CAPN15: variants seen among roughly 807,000 people sequenced by gnomAD.
CAPN15 encodes calpain 15, also known as calpain-15.
Under a neutral mutation model 97.9 loss-of-function variants are expected in CAPN15, and 53 were observed. The observed-to-expected ratio is 0.54, with a 90% CI of 0.43 to 0.68. CAPN15 has a LOEUF of 0.68. CAPN15 is among the 30% of genes least tolerant of loss of function. The pLI is 0.00. For synonymous variants in CAPN15, 922 were observed against 722.5 expected, an observed-to-expected ratio of 1.28 and a Z score of -4.43; for missense variants, 1,592 against 1,589.8, an observed-to-expected ratio of 1.00 and a Z score of -0.02.
rs199665629 is a variant in CAPN15 at position 534,081 on chromosome 16, GC to G, written c.-137+86del. 1,162 of 669,064 alleles carry G rather than the reference GC, an allele frequency of 1.7e-3. 11 individuals are homozygous for G. In the African/African-American group the frequency reaches 0.025, roughly 14 times the overall value. The allele number at this position is 669,064 out of a possible 1,614,324, so 41.4% of individuals were successfully genotyped here. A position where few individuals can be genotyped will look rare whatever the true frequency, so the allele number is the denominator to read the frequency against. ...GTTTGTGGAGCAGCAGGGTTGGAGT[GC>G]CCACGGCTGGGGGGCCTCTCGGAGC... On this transcript the variant is annotated intron_variant, in intron 2 of 13. Coordinates refer to ENST00000219611, the MANE Select transcript of CAPN15 (RefSeq NM_005632.3).
At chr16:550,281 C>G (rs961411909) in intron 7 of CAPN15, among the ~76,000 whole-genome samples, 11 of 152,242 alleles carry the variant, frequency 7.2e-5, no homozygotes, top group African/African-American at 2.2e-4. Context: ...CGGAGCCCTC[C>G]TCTCAGCTGA....
At chr16:546,731 G>C in intron 3 of CAPN15, 86 bp from the exon 4 acceptor site, 2 of 1,451,300 alleles carry the variant, frequency 1.4e-6, no homozygotes, top group Non-Finnish European at 1.8e-6. Flanking sequence ...AGCCACAGAC[G>C]GGTGCCTTCC....
In CAPN15 at chr16:552,799, C is replaced by CGTGGGGGGGGGGGGGG; in HGVS notation, c.2904+34_2904+35insGGGGGGGGGGGTGGGG. 3.7e-5 allele frequency: 56 copies of CGTGGGGGGGGGGGGGG among 1,509,794 alleles called. No homozygotes were observed. Among genetic ancestry groups the CGTGGGGGGGGGGGGGG allele is most frequent in the Admixed American group, 6.3e-5 (3 of 47,398 alleles). 93.5% of individuals were successfully genotyped at this position (1,509,794 alleles called of 1,614,324 possible). The stretch of plus-strand genomic sequence containing the variant: ...GGGTGGGGGTCCCGGGGGAGGGTGG[C>CGTGGGGGGGGGGGGGG]GTGGGGCAGGGGGAGTATGCCCCAG... On this transcript the variant is annotated intron_variant, in intron 12 of 13. Coordinates refer to ENST00000219611, the MANE Select transcript of CAPN15 (RefSeq NM_005632.3). The surrounding 1 kb of genome is among the most constrained non-coding windows in gnomAD (Gnocchi z 6.4).
chr16:528,700 G>A (rs1485902313), intron 1 of CAPN15: 1 of 985,384 alleles, frequency 1.0e-6, no homozygotes, highest in Non-Finnish European at 1.2e-6. Context: ...TACTGCTCTG[G>A]AGTTTGTTAC....
At chr16:550,809 G>GTCCCCTGCCGGTGAGGGT (rs1400716965) in intron 7 of CAPN15, among the ~76,000 whole-genome samples, 3 of 129,572 alleles carry the variant, frequency 2.3e-5, no homozygotes, top group African/African-American at 3.7e-5. Context: ...GTCGGTGAGG[G>GTCCCCTGCCGGTGAGGGT]CCCCGGTCGG....
rs1167693377 is a variant in CAPN15, at chr16:547,292, T to A, written c.454T>A (p.Cys152Ser). Residue 152 changes from cysteine (C) to serine (S), a missense_variant, in exon 4 of 14, where the codon TGC becomes AGC. Transcript: ENST00000219611. ...EPRGGWACPR[C>S]TLHNTPVASS... ...CAGAGGGGGCTGGGCGTGTCCGCGT[T>A]GCACGCTGCACAACACGCCCGTGGC... 6.6e-7 allele frequency: 1 copy of A among 1,516,026 alleles called. No individual in the cohort carries two copies. Among genetic ancestry groups the A allele is most frequent in the Non-Finnish European group, 8.8e-7 (1 of 1,136,742 alleles). 93.9% of individuals were successfully genotyped at this position (1,516,026 alleles called of 1,614,324 possible). A position where few individuals can be genotyped will look rare whatever the true frequency, so the allele number is the denominator to read the frequency against.
chr16:548,334 C>G (rs1048348019), intron 4 of CAPN15, 47 bp downstream of exon 4: 5 of 1,424,242 alleles, frequency 3.5e-6, no homozygotes, highest in Non-Finnish European at 4.6e-6. Flanking sequence ...CTCCTGCTCC[C>G]GCCCTCCCCT....
chr16:549,601 C>T lies in CAPN15; in HGVS notation c.1843-14C>T. Reference sequence around the variant, plus strand: ...GGGGCGGGCGGGGGTGGCCTCTGACCCGGCCCTCTGCAGGCGCAGCGGAAG... The same window carrying T: ...GGGGCGGGCGGGGGTGGCCTCTGACTCGGCCCTCTGCAGGCGCAGCGGAAG... On this transcript the variant is annotated splice_polypyrimidine_tract_variant and intron_variant, in intron 6 of 13. Transcript: ENST00000219611. 6.5e-7 allele frequency: 1 copy of T among 1,530,494 alleles called. No homozygotes were observed. The highest frequency in any genetic ancestry group is 8.8e-7 in the Non-Finnish European group (1 of 1,141,542). The allele number at this position is 1,530,494 out of a possible 1,614,324, so 94.8% of individuals were successfully genotyped here.
intron 3 of CAPN15, among the ~76,000 whole-genome samples, chr16:543,845 C>T (rs923851700): frequency 5.3e-5 from 8 of 152,194 alleles, no homozygotes; most frequent in African/African-American, 9.7e-5. Context: ...CTGCCTGGCT[C>T]GCTGCCCTGG....
In CAPN15 at chr16:544,263, A is replaced by T. The variant is rs191111379; in HGVS notation, c.-22-2554A>T. Among the ~76,000 whole-genome samples the T allele has an allele frequency of 4.5e-3, 687 of 151,962 alleles. 9 individuals carry two copies. The highest frequency in any genetic ancestry group is 0.015 in the African/African-American group (640 of 41,418). The stretch of plus-strand genomic sequence containing the variant: ...GGCACAGCAGGAGGAGCTGCCGACC[A>T]AGTCTGGCACCCCGGTGTGCCCCGA... On this transcript the variant is annotated intron_variant, in intron 3 of 13. Transcript: ENST00000219611.
intron 3 of CAPN15, chr16:540,511 G>T: frequency 3.3e-6 from 1 of 301,518 alleles, no homozygotes; most frequent in Non-Finnish European, 4.9e-6. Flanking sequence ...CTTCCCCAGG[G>T]TGCAGGAGCT....
intron 1 of CAPN15, among the ~76,000 whole-genome samples, chr16:532,329 GAATC>G (rs2033326492): frequency 6.6e-6 from 1 of 151,164 alleles, no homozygotes; most frequent in Admixed American, 6.6e-5. Context: ...CAAGGTGGGT[GAATC>G]ACATGAGGTC....
rs764211641 is a variant in CAPN15 at position 548,053 on chromosome 16, C to T, written c.1215C>T (p.Ala405=). Residue 405 remains alanine, a synonymous_variant, in exon 4 of 14, where the codon GCC becomes GCT. Transcript: ENST00000219611. ...GACGGGTGTCCTCGGCCCAGAAGGCCGCCCGCGTCCTGCCCGAGCGCCCGG... is the reference window on the plus strand; with the variant it reads ...GACGGGTGTCCTCGGCCCAGAAGGCTGCCCGCGTCCTGCCCGAGCGCCCGG... The part of the protein sequence containing the change: ...SCGRVSSAQK[A]ARVLPERPGQ... The T allele has an allele frequency of 5.2e-6, 8 of 1,550,578 alleles. No homozygotes were observed. The highest frequency in any genetic ancestry group is 3.5e-5 in the South Asian group (3 of 84,624).
In CAPN15 at chr16:553,585, A is replaced by C; in HGVS notation, c.*69A>C. 1.0e-6 allele frequency: 1 copy of C among 955,976 alleles called. No homozygotes were observed. The highest frequency in any genetic ancestry group is 1.5e-6 in the Non-Finnish European group (1 of 660,618). The allele number at this position is 955,976 out of a possible 1,614,324, so 59.2% of individuals were successfully genotyped here. ...CCCCCACACGCACTTTATGAGGGAG[A>C]CCCCGACAGAGGACGCTTGAGCCAG... On this transcript the variant is annotated 3_prime_UTR_variant, in exon 14 of 14. Transcript: ENST00000219611.
chr16:550,900 GGTGAGGGTCCCGGTCA>G (rs1321416831), intron 7 of CAPN15, among the ~76,000 whole-genome samples: 16 of 116,544 alleles, frequency 1.4e-4, no homozygotes, highest in Admixed American at 3.3e-4. Flanking sequence ...GTCCCTGGTC[GGTGAGGGTCCCGGTCA>G]GTGAGGGTCC....
At position 535,177 on chromosome 16, in the gene CAPN15, G is replaced by A. The variant is rs977580893; in HGVS notation, c.-136-852G>A. 5.9e-5 allele frequency: 9 copies of A among 152,998 alleles called. No individual in the cohort carries two copies. The highest frequency in any genetic ancestry group is 1.9e-4 in the East Asian group (1 of 5,194). 9.5% of individuals were successfully genotyped at this position (152,998 alleles called of 1,614,324 possible). ...CTGGAGCCTCAGGAGCATGCGTTCC[G>A]TCCCCACGGGTCACCCCCACTGAGC... On this transcript the variant is annotated intron_variant, in intron 2 of 13. Transcript: ENST00000219611. The surrounding 1 kb of genome is among the most constrained non-coding windows in gnomAD (Gnocchi z 6.2).
intron 3 of CAPN15, chr16:538,392 C>G (rs2033876823): frequency 6.6e-6 from 1 of 152,214 alleles, no homozygotes; most frequent in Non-Finnish European, 1.5e-5. Context: ...GGTCCGCACC[C>G]CACACTGGCC....
chr16:535,676 C>T lies in CAPN15; in HGVS notation c.-136-353C>T, dbSNP rs961974752. The stretch of plus-strand genomic sequence containing the variant: ...CCCCTCCAGGGAGCCCAGAGGCGGG[C>T]GTGGCTGCAGCCTGGCTCTGTGGCA... On this transcript the variant is annotated intron_variant, in intron 2 of 13. Coordinates refer to ENST00000219611, the MANE Select transcript of CAPN15 (RefSeq NM_005632.3). The surrounding 1 kb of genome is among the most constrained non-coding windows in gnomAD (Gnocchi z 6.2). Among the ~76,000 whole-genome samples, 1 of 152,118 alleles carries T rather than the reference C, an allele frequency of 6.6e-6. No homozygotes were observed. Among genetic ancestry groups the T allele is most frequent in the Non-Finnish European group, 1.5e-5 (1 of 67,990 alleles).
chr16:532,064 AC>A (rs1199831875), intron 1 of CAPN15, among the ~76,000 whole-genome samples: 1 of 151,506 alleles, frequency 6.6e-6, no homozygotes, highest in East Asian at 1.9e-4. Context: ...AAATGGCGAA[AC>A]CCCATCTCTA....
Sources: allele counts gnomAD v4.1 joint callset (sites outside exome capture counted in the v4.1 genomes callset), GRCh38; gene constraint gnomAD v4.1.1; non-coding constraint Gnocchi (gnomAD v3.1); transcripts MANE v1.5; gene names NCBI Gene and HGNC (gene_info 2026-07-23, HGNC 2026-07-21).